SDK1: variants seen among roughly 807,000 people sequenced by gnomAD.
SDK1 encodes sidekick cell adhesion molecule 1.
In SDK1, 157 loss-of-function variants were observed where a neutral mutation model predicts 245.5. That is an observed-to-expected ratio of 0.64 (90% CI 0.56 to 0.73). The LOEUF (loss-of-function observed/expected upper bound fraction) is 0.73, where lower values mean the gene tolerates loss of function less well. Ranked by LOEUF, SDK1 falls within the 30% of genes least tolerant of loss-of-function variation. The pLI is 0.00. For missense variants in SDK1, 3,583 were observed against 3,002.3 expected, an observed-to-expected ratio of 1.19 and a Z score of -4.52; for synonymous variants, 1,647 against 1,278.5, an observed-to-expected ratio of 1.29 and a Z score of -6.15.
intron 1 of SDK1, among the ~76,000 whole-genome samples, chr7:3,565,885 TC>T (rs1779899699): frequency 6.6e-6 from 1 of 152,200 alleles, no homozygotes. Flanking sequence ...GTTGATCAGA[TC>T]CATAGATGTG....
chr7:4,026,815 C>A lies in SDK1; in HGVS notation c.2602+9463C>A, dbSNP rs967519227. On this transcript the variant is annotated intron_variant, in intron 17 of 44. Coordinates refer to ENST00000404826, the MANE Select transcript of SDK1 (RefSeq NM_152744.4). This position sits in a 1 kb window ranked among gnomAD's most constrained non-coding sequence, Gnocchi z 4.1. ...TAACAATCTGGAATTAACGATAACA[C>A]CCGGCACACAAACGGCAATATGTAC... is the stretch of plus-strand genomic sequence containing the variant. 2.6e-5 allele frequency among the ~76,000 whole-genome samples: 4 copies of A among 152,220 alleles called. No individual in the cohort carries two copies. Among genetic ancestry groups the A allele is most frequent in the Non-Finnish European group, 5.9e-5 (4 of 68,044 alleles).
chr7:3,634,282 C>G (rs1782389800), intron 2 of SDK1, among the ~76,000 whole-genome samples: 1 of 152,122 alleles, frequency 6.6e-6, no homozygotes, highest in African/African-American at 2.4e-5. Context: ...AGCAGTTGTT[C>G]CTGGGCTGAG....
intron 1 of SDK1, among the ~76,000 whole-genome samples, chr7:3,496,209 C>A (rs942824540): frequency 3.3e-5 from 5 of 152,022 alleles, no homozygotes; most frequent in Non-Finnish European, 2.9e-5. Context: ...GGACCTGTCT[C>A]GTGGGATCGC....
At chr7:3,331,817 C>A (rs73046678) in intron 1 of SDK1, among the ~76,000 whole-genome samples, 26,551 of 151,968 alleles carry the variant, frequency 0.17, 2,327 homozygotes, top group South Asian at 0.22. Context: ...AAGGCAGTCC[C>A]AATTAGTTGA....
At chr7:4,056,329 G>T (rs1249235519) in intron 19 of SDK1, among the ~76,000 whole-genome samples, 1 of 152,092 alleles carries the variant, frequency 6.6e-6, no homozygotes, top group Non-Finnish European at 1.5e-5. Flanking sequence ...AAAGTTTGGA[G>T]CCTGAATGAG....
At chr7:4,037,074 C>T (rs992472909) in intron 17 of SDK1, among the ~76,000 whole-genome samples, 2 of 152,142 alleles carry the variant, frequency 1.3e-5, no homozygotes, top group Admixed American at 6.6e-5. Flanking sequence ...ATGATGATAA[C>T]GATGCATTGT....
chr7:4,161,877 G>T, intron 32 of SDK1, 21 bp downstream of exon 32: 2 of 1,607,884 alleles, frequency 1.2e-6, no homozygotes, highest in South Asian at 1.1e-5. Flanking sequence ...GGGGAATCAC[G>T]CGCGTTTTGT....
chr7:3,414,256 G>C (rs1258675251), intron 1 of SDK1, among the ~76,000 whole-genome samples: 1 of 152,122 alleles, frequency 6.6e-6, no homozygotes, highest in African/African-American at 2.4e-5. Flanking sequence ...GGAGAAATTT[G>C]AAGGGTCCTA....
In SDK1 at chr7:4,071,683, G is replaced by A. The variant is rs117276726; in HGVS notation, c.3010+3747G>A. Among the ~76,000 whole-genome samples the A allele has an allele frequency of 3.3e-3, 509 of 152,314 alleles. 3 individuals are homozygous for A. The highest frequency in any genetic ancestry group is 0.031 in the South Asian group (149 of 4,816). Reference sequence around the variant, plus strand: ...GGGATTTTTAAAAGCTGAGCAGGAGGCTACCATTCGGAAGAAGAAGACTTT... The same window carrying A: ...GGGATTTTTAAAAGCTGAGCAGGAGACTACCATTCGGAAGAAGAAGACTTT... On this transcript the variant is annotated intron_variant, in intron 20 of 44. Coordinates refer to ENST00000404826, the MANE Select transcript of SDK1 (RefSeq NM_152744.4).
At chr7:3,582,683 T>TAAAAAAA (rs71029682) in intron 1 of SDK1, among the ~76,000 whole-genome samples, 15 of 69,684 alleles carry the variant, frequency 2.2e-4, no homozygotes, top group South Asian at 7.2e-4. Flanking sequence ...TAAACTAAAG[T>TAAAAAAA]AAAAAAAAAA....
At chr7:4,210,968 C>T (rs1016349702) in intron 38 of SDK1, among the ~76,000 whole-genome samples, 13 of 152,286 alleles carry the variant, frequency 8.5e-5, no homozygotes, top group African/African-American at 1.4e-4. Context: ...AGGGAGGATC[C>T]GCCAATCTAG....
chr7:3,805,168 G>A (rs1779210066), intron 4 of SDK1, among the ~76,000 whole-genome samples: 2 of 152,172 alleles, frequency 1.3e-5, no homozygotes, highest in Admixed American at 6.5e-5. Context: ...AGAAATTTGT[G>A]CTATATTTTA....
At position 3,421,123 on chromosome 7, in the gene SDK1, G is replaced by A. The variant is rs1214207045; in HGVS notation, c.298+119239G>A. 2.0e-5 allele frequency among the ~76,000 whole-genome samples: 3 copies of A among 148,044 alleles called. No homozygotes were observed. In the South Asian group the frequency reaches 6.5e-4, roughly 32 times the overall value. ...TTTTTTTTTGGTGGCCCAGGCTGGAGTGCAGTGGCGTGATCTTGTCTCACT... is the reference window on the plus strand; with the variant it reads ...TTTTTTTTTGGTGGCCCAGGCTGGAATGCAGTGGCGTGATCTTGTCTCACT... On this transcript the variant is annotated intron_variant, in intron 1 of 44. Coordinates refer to ENST00000404826, the MANE Select transcript of SDK1 (RefSeq NM_152744.4).
At chr7:3,614,698 G>C (rs959872570) in intron 1 of SDK1, among the ~76,000 whole-genome samples, 1 of 152,094 alleles carries the variant, frequency 6.6e-6, no homozygotes, top group African/African-American at 2.4e-5. Context: ...AATAGTGCTG[G>C]GCTCAGAGAA....
At chr7:3,828,167 A>G (rs1351180596) in intron 5 of SDK1, among the ~76,000 whole-genome samples, 1 of 152,046 alleles carries the variant, frequency 6.6e-6, no homozygotes, top group African/African-American at 2.4e-5. Flanking sequence ...AATCCCAGCT[A>G]CTCAGGAGGC....
At chr7:3,991,163 G>A (rs1428149742) in intron 14 of SDK1, among the ~76,000 whole-genome samples, 1 of 152,216 alleles carries the variant, frequency 6.6e-6, no homozygotes, top group African/African-American at 2.4e-5. Context: ...AAGAAGATGT[G>A]ACATGAGACC....
At chr7:4,153,392 C>T (rs1191088393) in intron 30 of SDK1, among the ~76,000 whole-genome samples, 3 of 152,050 alleles carry the variant, frequency 2.0e-5, no homozygotes, top group African/African-American at 7.2e-5. Context: ...TCGAGCCCAT[C>T]CTGGCCGATA....
intron 1 of SDK1, among the ~76,000 whole-genome samples, chr7:3,600,428 A>G (rs916870770): frequency 6.6e-6 from 1 of 152,076 alleles, no homozygotes; most frequent in Non-Finnish European, 1.5e-5. Flanking sequence ...ATTTTTATTC[A>G]GTGGCGAGAC....
At chr7:3,447,699 C>CTTT (rs56137514) in intron 1 of SDK1, among the ~76,000 whole-genome samples, 4 of 89,546 alleles carry the variant, frequency 4.5e-5, no homozygotes, top group East Asian at 3.3e-4. Flanking sequence ...GCTTATATAT[C>CTTT]TTTTTTTTTT....
Sources: gnomAD v4.1 joint callset for allele counts (sites outside exome capture counted in the v4.1 genomes callset) on GRCh38, gnomAD v4.1.1 for gene constraint, Gnocchi (gnomAD v3.1) non-coding constraint, MANE v1.5 for transcripts, NCBI Gene and HGNC (gene_info 2026-07-23, HGNC 2026-07-21) for gene names.